Variants in WDR64 observed in about 807,000 individuals in gnomAD.
The protein encoded by WDR64 is WD repeat-containing protein 64.
WDR64 carries 112 observed loss-of-function variants against 139.3 expected under a neutral mutation model. That is an observed-to-expected ratio of 0.80 (90% CI 0.69 to 0.94). WDR64 has a LOEUF of 0.94. Ranked by LOEUF, WDR64 falls within the 40% of genes least tolerant of loss-of-function variation. WDR64 has a pLI of 0.00. For synonymous variants in WDR64, 444 were observed against 437.7 expected (o/e 1.01, Z -0.18); for missense variants, 1,206 against 1,293.1 (o/e 0.93, Z 1.03).
intron 2 of WDR64, among the ~76,000 whole-genome samples, chr1:241,668,236 G>A (rs1425294602): frequency 6.6e-6 from 1 of 152,178 alleles, no homozygotes; most frequent in African/African-American, 2.4e-5. Context: ...TGAGCTGGGC[G>A]CGGCAGCTCA....
At chr1:241,771,984 A>G (rs1474283189) in intron 19 of WDR64, among the ~76,000 whole-genome samples, 1 of 116,566 alleles carries the variant, frequency 8.6e-6, no homozygotes, top group African/African-American at 3.1e-5. Flanking sequence ...ATATATATAT[A>G]TATATTCTTT....
At chr1:241,784,976 A>AAAAAAAAAAAAAAAAAT in intron 23 of WDR64, among the ~76,000 whole-genome samples, 1 of 98,474 alleles carries the variant, frequency 1.0e-5, no homozygotes, top group African/African-American at 3.6e-5. Context: ...AAAAAAAAAA[A>AAAAAAAAAAAAAAAAAT]GAAAGGACAT....
chr1:241,726,108 G>T (rs961410609), intron 10 of WDR64, among the ~76,000 whole-genome samples: 2 of 151,832 alleles, frequency 1.3e-5, no homozygotes, highest in Non-Finnish European at 2.9e-5. Flanking sequence ...ATGGGGTCTT[G>T]CTATGTTGCC....
intron 8 of WDR64, among the ~76,000 whole-genome samples, chr1:241,702,334 C>T (rs545027104): frequency 1.3e-5 from 2 of 152,268 alleles, no homozygotes; most frequent in South Asian, 2.1e-4. Flanking sequence ...GAACACTTTA[C>T]CATTAGTTCT....
At chr1:241,754,908 T>G (rs1670124344) in intron 14 of WDR64, among the ~76,000 whole-genome samples, 1 of 152,216 alleles carries the variant, frequency 6.6e-6, no homozygotes, top group Non-Finnish European at 1.5e-5. Context: ...CTCATTCTTT[T>G]TTTATGGCTG....
At position 241,690,759 on chromosome 1, in the gene WDR64, A is replaced by G. The variant is rs1004296926; in HGVS notation, c.974+3164A>G. On this transcript the variant is annotated intron_variant, in intron 8 of 27. Transcript: ENST00000437684. ...GGGTAAAAGAAGTTCTTCAGAGAGA[A>G]AGAAAAGCCGTAAGTCAGAAACTTG... Among the ~76,000 whole-genome samples the G allele has an allele frequency of 6.5e-4, 99 of 152,172 alleles. 1 individual carries two copies. Among genetic ancestry groups the G allele is most frequent in the African/African-American group, 2.4e-3 (98 of 41,450 alleles).
intron 16 of WDR64, among the ~76,000 whole-genome samples, chr1:241,767,697 C>T (rs184897311): frequency 3.8e-4 from 56 of 148,526 alleles, no homozygotes; most frequent in Non-Finnish European, 7.1e-4. Context: ...CTGCCTGCTC[C>T]TTCCCATCCA....
intron 7 of WDR64, 34 bp from the exon 8 acceptor site, chr1:241,687,427 A>G: frequency 6.2e-7 from 1 of 1,611,992 alleles, no homozygotes; most frequent in Non-Finnish European, 8.5e-7. Context: ...TGTGTGTCTA[A>G]CATAAATCTC....
At chr1:241,774,227 A>G (rs1275311348) in intron 20 of WDR64, among the ~76,000 whole-genome samples, 1 of 152,218 alleles carries the variant, frequency 6.6e-6, no homozygotes, top group African/African-American at 2.4e-5. Context: ...ATGGGATCCA[A>G]CAACACGGAA....
chr1:241,688,716 C>A (rs1275579724), intron 8 of WDR64, among the ~76,000 whole-genome samples: 2 of 152,064 alleles, frequency 1.3e-5, no homozygotes. Flanking sequence ...GGGCAGGAAC[C>A]CCCTGAATAA....
In WDR64 at chr1:241,665,914, T is replaced by C. The variant is rs746170024; in HGVS notation, c.277-5160T>C. Among the ~76,000 whole-genome samples, 104 of 152,164 alleles carry C rather than the reference T, an allele frequency of 6.8e-4. 1 individual carries two copies. Among genetic ancestry groups the C allele is most frequent in the Non-Finnish European group, 1.0e-3 (68 of 68,008 alleles). The stretch of plus-strand genomic sequence containing the variant: ...TGAATTTAAAGTGTATTATTATAAA[T>C]CTAAAATTATATTTGCTAACTTCAA... On this transcript the variant is annotated intron_variant, in intron 2 of 27. Coordinates refer to ENST00000437684, the MANE Select transcript of WDR64 (RefSeq NM_001367482.1).
At chr1:241,668,172 T>C (rs942727404) in intron 2 of WDR64, among the ~76,000 whole-genome samples, 3 of 152,142 alleles carry the variant, frequency 2.0e-5, no homozygotes, top group Non-Finnish European at 4.4e-5. Context: ...AAAGGAAAAG[T>C]CAGTAGAAAG....
chr1:241,736,127 G>T (rs78835827), intron 10 of WDR64, among the ~76,000 whole-genome samples: 19,107 of 152,002 alleles, frequency 0.13, 1,365 homozygotes, highest in East Asian at 0.28. Flanking sequence ...CTGCTGTGGA[G>T]CCCAGGCATG....
At chr1:241,788,578 G>C (rs1005362681) in intron 24 of WDR64, among the ~76,000 whole-genome samples, 1 of 152,200 alleles carries the variant, frequency 6.6e-6, no homozygotes, top group Non-Finnish European at 1.5e-5. Flanking sequence ...GAAAGAATCA[G>C]AGAGGGATAT....
chr1:241,728,234 G>A (rs538906022), intron 10 of WDR64, among the ~76,000 whole-genome samples: 2 of 152,246 alleles, frequency 1.3e-5, no homozygotes, highest in Admixed American at 6.5e-5. Context: ...TTGGGAGGCT[G>A]AGGCAGGAGA....
chr1:241,697,539 T>C (rs1667542736), intron 8 of WDR64, among the ~76,000 whole-genome samples: 1 of 152,102 alleles, frequency 6.6e-6, no homozygotes, highest in African/African-American at 2.4e-5. Context: ...TCCCCCAGCG[T>C]CGAACAGGCT....
chr1:241,729,348 G>A (rs1458247028), intron 10 of WDR64, among the ~76,000 whole-genome samples: 1 of 152,148 alleles, frequency 6.6e-6, no homozygotes, highest in Non-Finnish European at 1.5e-5. Context: ...TCCAGATATT[G>A]TACTGCCATG....
rs1666954266 is a variant in WDR64, at chr1:241,685,047, G to A, written c.839+1346G>A. Among the ~76,000 whole-genome samples, 3 of 151,984 alleles carry A rather than the reference G, an allele frequency of 2.0e-5. No individual in the cohort carries two copies. The South Asian group carries it at 6.2e-4, about 32-fold the overall frequency. The stretch of plus-strand genomic sequence containing the variant: ...GCTGGTATTATAGGCTTGAGCCACC[G>A]TGCCTGGCCCACAGCATTATTTCTG... On this transcript the variant is annotated intron_variant, in intron 7 of 27. Transcript: ENST00000437684.
At chr1:241,681,581 C>A (rs992975951) in intron 6 of WDR64, among the ~76,000 whole-genome samples, 1 of 152,184 alleles carries the variant, frequency 6.6e-6, no homozygotes, top group African/African-American at 2.4e-5. Context: ...CTGCTATAAA[C>A]ATGAGTGAGC....
Sources: gnomAD v4.1 joint callset for allele counts (sites outside exome capture counted in the v4.1 genomes callset) on GRCh38, gnomAD v4.1.1 for gene constraint, MANE v1.5 for transcripts, NCBI Gene and HGNC (gene_info 2026-07-23, HGNC 2026-07-21) for gene names.